The following RAI14 variants were observed in gnomAD, a reference collection of about 807,000 sequenced individuals.
RAI14 encodes the protein ankycorbin.
In RAI14, 45 loss-of-function variants were observed where a neutral mutation model predicts 115.4. That is an observed-to-expected ratio of 0.39 (90% CI 0.31 to 0.50). The LOEUF is 0.50. Among genes scored for constraint, RAI14 ranks in the 20% least tolerant of loss-of-function variants. The probability of loss-of-function intolerance (pLI) is 0.85; values close to 1 mark genes in which losing one functional copy is unlikely to be tolerated. For synonymous variants in RAI14, 371 were observed against 415.4 expected (o/e 0.89, Z 1.30); for missense variants, 939 against 1,131.2 (o/e 0.83, Z 2.44).
intron 2 of RAI14, among the ~76,000 whole-genome samples, chr5:34,748,144 C>T (rs1186427910): frequency 1.3e-5 from 2 of 152,194 alleles, no homozygotes; most frequent in Admixed American, 6.5e-5. Flanking sequence ...CCACAGCACT[C>T]GGCAGTTATG....
chr5:34,819,140 C>T (rs890638074), intron 13 of RAI14, among the ~76,000 whole-genome samples: 1 of 152,132 alleles, frequency 6.6e-6, no homozygotes, highest in South Asian at 2.1e-4. Context: ...AGGCAATAAG[C>T]CTCAGTGGTA....
At chr5:34,822,250 G>GTGTATA (rs1554012472) in intron 14 of RAI14, among the ~76,000 whole-genome samples, 44 of 134,732 alleles carry the variant, frequency 3.3e-4, no homozygotes, top group East Asian at 1.9e-3. Flanking sequence ...ATGTGTGTAT[G>GTGTATA]TATATATATA....
intron 2 of RAI14, among the ~76,000 whole-genome samples, chr5:34,707,730 T>C (rs888114915): frequency 2.0e-5 from 3 of 152,228 alleles, no homozygotes; most frequent in South Asian, 2.1e-4. Flanking sequence ...TCTACTCTTC[T>C]ATGACATTTC....
chr5:34,762,471 T>G (rs1008978820), intron 3 of RAI14, among the ~76,000 whole-genome samples: 5 of 152,158 alleles, frequency 3.3e-5, no homozygotes, highest in Admixed American at 2.0e-4. Context: ...GTATTTTCTT[T>G]CAGGGAAAGA....
intron 16 of RAI14, among the ~76,000 whole-genome samples, chr5:34,829,484 T>C (rs764972834): frequency 6.6e-6 from 1 of 152,114 alleles, no homozygotes; most frequent in Non-Finnish European, 1.5e-5. Flanking sequence ...TGTGGGGTGA[T>C]AATAACTCCT....
At chr5:34,720,699 C>T (rs769879114) in intron 2 of RAI14, among the ~76,000 whole-genome samples, 5 of 151,916 alleles carry the variant, frequency 3.3e-5, no homozygotes, top group Admixed American at 2.0e-4. Flanking sequence ...CGTGAGCCAC[C>T]GCGCCCGGCA....
intron 2 of RAI14, chr5:34,687,508 G>A: frequency 7.5e-7 from 1 of 1,335,736 alleles, no homozygotes; most frequent in Non-Finnish European, 9.7e-7. Flanking sequence ...TGGATTGGAG[G>A]AAGCAGTTAT....
intron 3 of RAI14, among the ~76,000 whole-genome samples, chr5:34,760,662 A>C (rs934881142): frequency 6.6e-6 from 1 of 152,232 alleles, no homozygotes; most frequent in African/African-American, 2.4e-5. Flanking sequence ...TACAATTGTG[A>C]TCACCTTAAC....
At position 34,757,515 on chromosome 5, in the gene RAI14, G is replaced by C; in HGVS notation, c.84G>C (p.Glu28Asp). ...ATGACCGGCTACTGCAGGCCGTGGA[G>C]AATGGAGATGCGGAGAAGGTGGCCT... is the stretch of plus-strand genomic sequence containing the variant. ...KNDDRLLQAV[E>D]NGDAEKVASL... The change falls in exon 3 of 18, where the codon GAG (glutamate) becomes GAC (aspartate). Residue 28 changes from glutamate (E) to aspartate (D), a missense_variant. Coordinates refer to ENST00000265109, the MANE Select transcript of RAI14 (RefSeq NM_015577.3). 1 of 1,614,022 alleles carries C rather than the reference G, an allele frequency of 6.2e-7. No individual in the cohort carries two copies. The highest frequency in any genetic ancestry group is 8.5e-7 in the Non-Finnish European group (1 of 1,180,010).
intron 3 of RAI14, among the ~76,000 whole-genome samples, chr5:34,766,757 A>G (rs1215583608): frequency 2.0e-5 from 3 of 152,160 alleles, no homozygotes; most frequent in African/African-American, 4.8e-5. Context: ...ATCTCTCCAC[A>G]TGAGATTTGG....
At chr5:34,778,886 A>G (rs1204900828) in intron 3 of RAI14, among the ~76,000 whole-genome samples, 4 of 152,160 alleles carry the variant, frequency 2.6e-5, no homozygotes, top group Non-Finnish European at 4.4e-5. Flanking sequence ...GGCCAGCATC[A>G]TCCTGATACC....
intron 2 of RAI14, chr5:34,687,444 C>A (rs138866568): frequency 5.2e-6 from 4 of 774,968 alleles, no homozygotes; most frequent in Non-Finnish European, 7.1e-6. Flanking sequence ...TTTCCTCCCC[C>A]CGAATTCCAG....
intron 2 of RAI14, chr5:34,687,859 C>A: frequency 8.5e-7 from 1 of 1,174,816 alleles, no homozygotes; most frequent in Non-Finnish European, 1.2e-6. Context: ...TAAATGGAGG[C>A]TGTGTCTTTT....
At chr5:34,828,292 T>C (rs1437432482) in intron 16 of RAI14, among the ~76,000 whole-genome samples, 2 of 151,794 alleles carry the variant, frequency 1.3e-5, no homozygotes, top group African/African-American at 4.8e-5. Context: ...ATGACAGGAG[T>C]TGCTGAACTG....
intron 2 of RAI14, among the ~76,000 whole-genome samples, chr5:34,691,859 C>T (rs1350350698): frequency 1.3e-5 from 2 of 152,160 alleles, no homozygotes; most frequent in African/African-American, 4.8e-5. Context: ...CTTTACATAG[C>T]ATCTACTAAC....
chr5:34,698,750 TG>T (rs1353108730), intron 2 of RAI14, among the ~76,000 whole-genome samples: 1 of 151,628 alleles, frequency 6.6e-6, no homozygotes, highest in Non-Finnish European at 1.5e-5. Flanking sequence ...CTGGAATGGG[TG>T]GGGTGGGTGA....
intron 3 of RAI14, among the ~76,000 whole-genome samples, chr5:34,790,549 G>A (rs549187747): frequency 2.0e-5 from 3 of 152,130 alleles, no homozygotes; most frequent in Non-Finnish European, 2.9e-5. Context: ...CTAAAATTAT[G>A]GCAATGATTC....
chr5:34,734,636 C>A (rs10454859), intron 2 of RAI14, among the ~76,000 whole-genome samples: 34,252 of 151,546 alleles, frequency 0.23, 3,947 homozygotes, highest in African/African-American at 0.27. Flanking sequence ...AGGAAGATTC[C>A]AGCAGTATTT....
At chr5:34,690,693 G>T (rs1008879432) in intron 2 of RAI14, among the ~76,000 whole-genome samples, 20 of 152,226 alleles carry the variant, frequency 1.3e-4, no homozygotes, top group Admixed American at 2.6e-4. Flanking sequence ...CAGTGACATT[G>T]TCCGGTGGTT....
Sources: gnomAD v4.1 joint callset for allele counts (sites outside exome capture counted in the v4.1 genomes callset) on GRCh38, gnomAD v4.1.1 for gene constraint, MANE v1.5 for transcripts, NCBI Gene and HGNC (gene_info 2026-07-23, HGNC 2026-07-21) for gene names.